MRTFA: variants seen among roughly 807,000 people sequenced by gnomAD.
MRTFA encodes the protein myocardin-related transcription factor A.
A neutral mutation model predicts 83.5 loss-of-function variants in MRTFA; 20 were observed. The observed-to-expected ratio is 0.24, with a 90% CI of 0.17 to 0.35. MRTFA has a LOEUF of 0.35. MRTFA is among the 10% of genes least tolerant of loss of function. The pLI, the probability that MRTFA is intolerant of heterozygous loss-of-function variation, is 1.00. For synonymous variants in MRTFA, 659 were observed against 541.2 expected, an observed-to-expected ratio of 1.22 and a Z score of -3.02; for missense variants, 1,200 against 1,224.7, an observed-to-expected ratio of 0.98 and a Z score of 0.30.
At chr22:40,503,664 C>T (rs1455922911) in intron 3 of MRTFA, among the ~76,000 whole-genome samples, 1 of 152,146 alleles carries the variant, frequency 6.6e-6, no homozygotes, top group Admixed American at 6.5e-5. Context: ...CAGTGGCTCA[C>T]GCCTGTAATC....
At chr22:40,588,725 T>C (rs1206407647) in intron 2 of MRTFA, among the ~76,000 whole-genome samples, 1 of 152,190 alleles carries the variant, frequency 6.6e-6, no homozygotes, top group Non-Finnish European at 1.5e-5. Context: ...CTCACACCTA[T>C]AATCCCAATG....
At chr22:40,610,680 C>G (rs2056376509) in intron 1 of MRTFA, among the ~76,000 whole-genome samples, 1 of 152,222 alleles carries the variant, frequency 6.6e-6, no homozygotes, top group South Asian at 2.1e-4. Flanking sequence ...AATCCACCAT[C>G]AATCTTCCTG....
At chr22:40,441,331 G>A (rs761807721) in intron 4 of MRTFA, among the ~76,000 whole-genome samples, 123 of 152,256 alleles carry the variant, frequency 8.1e-4, no homozygotes, top group South Asian at 2.9e-3. Flanking sequence ...TGTGGACCCC[G>A]CCCCTGGCTG....
intron 3 of MRTFA, among the ~76,000 whole-genome samples, chr22:40,509,522 T>G (rs979794895): frequency 4.6e-5 from 7 of 152,230 alleles, no homozygotes; most frequent in Non-Finnish European, 1.0e-4. Flanking sequence ...TTCTAAACTT[T>G]CTGGTGAGCT....
At chr22:40,506,543 G>A (rs932064737) in intron 3 of MRTFA, among the ~76,000 whole-genome samples, 5 of 152,072 alleles carry the variant, frequency 3.3e-5, no homozygotes, top group African/African-American at 1.2e-4. Context: ...TACAATCTAC[G>A]TCTCACTGGC....
chr22:40,544,473 C>T (rs1048828487), intron 3 of MRTFA, among the ~76,000 whole-genome samples: 8 of 152,164 alleles, frequency 5.3e-5, no homozygotes, highest in African/African-American at 1.4e-4. Flanking sequence ...GCCATCCTCC[C>T]GCCTTGGCCT....
chr22:40,495,375 C>T (rs1411540562), intron 3 of MRTFA, among the ~76,000 whole-genome samples: 2 of 151,012 alleles, frequency 1.3e-5, no homozygotes, highest in African/African-American at 4.9e-5. Flanking sequence ...TCACTTGAAC[C>T]TGGGAGGTGG....
chr22:40,632,290 A>AG (rs2056650079), intron 1 of MRTFA, among the ~76,000 whole-genome samples: 1 of 151,938 alleles, frequency 6.6e-6, no homozygotes, highest in Admixed American at 6.6e-5. Context: ...ATATTACTGC[A>AG]ATTTTTTTTT....
intron 11 of MRTFA, 55 bp from the exon 12 acceptor site, chr22:40,419,439 G>A: frequency 6.6e-7 from 1 of 1,523,896 alleles, no homozygotes; most frequent in Non-Finnish European, 9.0e-7. Context: ...CAGGGCACTG[G>A]GTCCAGGCAG....
chr22:40,422,686 C>T (rs1569255624), intron 9 of MRTFA, among the ~76,000 whole-genome samples: 5 of 152,188 alleles, frequency 3.3e-5, no homozygotes, highest in Admixed American at 2.0e-4. Context: ...CTGGGGATGT[C>T]ACCATGGGAC....
At chr22:40,587,318 A>G in intron 2 of MRTFA, 1 of 455,686 alleles carries the variant, frequency 2.2e-6, no homozygotes, top group East Asian at 6.2e-5. Context: ...CAGTTTGCTT[A>G]CATTAAGCAG....
intron 3 of MRTFA, among the ~76,000 whole-genome samples, chr22:40,468,369 CA>C (rs1241855435): frequency 6.6e-6 from 1 of 151,994 alleles, no homozygotes; most frequent in Non-Finnish European, 1.5e-5. Flanking sequence ...AAGACTTCTA[CA>C]ATCAGAAGAT....
chr22:40,489,373 G>A (rs889248303), intron 3 of MRTFA, among the ~76,000 whole-genome samples: 3 of 150,858 alleles, frequency 2.0e-5, no homozygotes, highest in Non-Finnish European at 4.4e-5. Context: ...TTATGGAGAC[G>A]GAGTCTCGTT....
intron 3 of MRTFA, among the ~76,000 whole-genome samples, chr22:40,483,372 A>ATTTT (rs550051844): frequency 1.2e-3 from 164 of 139,518 alleles, no homozygotes; most frequent in African/African-American, 3.1e-3. Flanking sequence ...ACCTAAAGTA[A>ATTTT]TTTTTTTTTT....
chr22:40,488,045 A>G (rs1209212302), intron 3 of MRTFA, among the ~76,000 whole-genome samples: 1 of 152,234 alleles, frequency 6.6e-6, no homozygotes, highest in African/African-American at 2.4e-5. Flanking sequence ...ATCTATAAAT[A>G]TAATAGAGAA....
intron 3 of MRTFA, among the ~76,000 whole-genome samples, chr22:40,513,742 A>T (rs1296469697): frequency 6.6e-6 from 1 of 152,158 alleles, no homozygotes; most frequent in Non-Finnish European, 1.5e-5. Flanking sequence ...AAAAAATAAA[A>T]TCACTAATCA....
Position 40,419,222 on chromosome 22 carries a change from C to T in MRTFA, c.1516G>A (p.Val506Met), listed in dbSNP as rs1465214068. ...CGGGCCGCTGGGAAGGCTACCACCACCTCGCCAGCCTTGTGCAGGATAGAG... is the reference window on the plus strand; with the variant it reads ...CGGGCCGCTGGGAAGGCTACCACCATCTCGCCAGCCTTGTGCAGGATAGAG... The change falls in exon 12 of 15, where the codon GTG becomes ATG. Residue 506 changes from valine to methionine, a missense_variant. This residue lies in a region of MRTFA where 1,107 missense variants were observed against 1,041.8 expected (regional missense o/e 1.06). Coordinates refer to ENST00000355630, the MANE Select transcript of MRTFA (RefSeq NM_020831.6). 3 of 1,604,680 alleles carry T rather than the reference C, an allele frequency of 1.9e-6. No individual in the cohort carries two copies. The highest frequency in any genetic ancestry group is 3.4e-5 in the Admixed American group (2 of 58,614).
At chr22:40,440,280 A>G (rs2053251166) in intron 4 of MRTFA, among the ~76,000 whole-genome samples, 1 of 152,098 alleles carries the variant, frequency 6.6e-6, no homozygotes, top group Non-Finnish European at 1.5e-5. Flanking sequence ...AGGGACCGTT[A>G]TTTCATGTGT....
At chr22:40,561,196 CTGTGTGTGTGTGTGTCTGTGTGTG>C (rs992733459) in intron 2 of MRTFA, among the ~76,000 whole-genome samples, 1 of 140,700 alleles carries the variant, frequency 7.1e-6, no homozygotes, top group African/African-American at 2.7e-5. Flanking sequence ...ATGGGTATCT[CTGTGTGTGTGTGTGTCTGTGTGTG>C]TGTGTGTGTG....
Sources: allele counts gnomAD v4.1 joint callset (sites outside exome capture counted in the v4.1 genomes callset), GRCh38; gene constraint gnomAD v4.1.1; regional missense constraint gnomAD v4.1.1; transcripts MANE v1.5; gene names NCBI Gene and HGNC (gene_info 2026-07-23, HGNC 2026-07-21).